TM9SF2: variants seen among roughly 807,000 people sequenced by gnomAD.
The protein encoded by TM9SF2 is transmembrane 9 superfamily member 2.
A neutral mutation model predicts 84.9 loss-of-function variants in TM9SF2; 13 were observed. The ratio of observed to expected loss-of-function variants is 0.15; its 90% CI spans 0.10 to 0.24. The LOEUF is 0.24. TM9SF2 is among the 10% of genes least tolerant of loss of function. The probability of loss-of-function intolerance (pLI) is 1.00; values close to 1 mark genes in which losing one functional copy is unlikely to be tolerated. For missense variants in TM9SF2, 562 were observed against 818.5 expected, an observed-to-expected ratio of 0.69 and a Z score of 3.82; for synonymous variants, 273 against 285.8, an observed-to-expected ratio of 0.96 and a Z score of 0.45.
In TM9SF2 at chr13:99,501,695, C is replaced by T. The variant is rs772063174; in HGVS notation, c.89C>T (p.Pro30Leu). Residue 30 changes from proline to leucine, a missense_variant, in exon 1 of 17, where the codon CCG (proline) becomes CTG (leucine). Coordinates refer to ENST00000376387, the MANE Select transcript of TM9SF2 (RefSeq NM_004800.3). ...CTCCTGCTGGGGGCGGTTCCTGGCC[C>T]GCGCCGGAGCGGCGCTTTCTACCTG... Reference protein sequence around the residue: ...SLLLLGAVPGPRRSGAFYLPG... With the variant: ...SLLLLGAVPGLRRSGAFYLPG... 2 of 1,612,050 alleles carry T rather than the reference C, an allele frequency of 1.2e-6. No homozygotes were observed. The highest frequency in any genetic ancestry group is 1.7e-6 in the Non-Finnish European group (2 of 1,179,650).
intron 13 of TM9SF2, among the ~76,000 whole-genome samples, chr13:99,552,585 A>T (rs1204157560): frequency 6.8e-6 from 1 of 146,304 alleles, no homozygotes; most frequent in Non-Finnish European, 1.5e-5. Flanking sequence ...ATATAAACTA[A>T]TGAAAACATT....
rs539360871 is a variant in TM9SF2, at chr13:99,546,212, TA to T, written c.1151-772del. 5.8e-4 allele frequency among the ~76,000 whole-genome samples: 88 copies of T among 152,120 alleles called. No homozygotes were observed. The South Asian group carries it at 7.5e-3, about 13-fold the overall frequency. Reference sequence around the variant, plus strand: ...GTCATGCACGTTTTAGGGGAAACAATAGGGGGGGAAACAATGGGGATTTTCT... The same window carrying T: ...GTCATGCACGTTTTAGGGGAAACAATGGGGGGGAAACAATGGGGATTTTCT... On this transcript the variant is annotated intron_variant, in intron 10 of 16. Coordinates refer to ENST00000376387, the MANE Select transcript of TM9SF2 (RefSeq NM_004800.3).
chr13:99,518,763 AT>A (rs34847688), intron 2 of TM9SF2, among the ~76,000 whole-genome samples: 20,833 of 128,474 alleles, frequency 0.16, 1,792 homozygotes, highest in East Asian at 0.49. Flanking sequence ...TGCCCAGCTA[AT>A]TTTTTTTTTT....
At chr13:99,550,464 C>T (rs556058714) in intron 12 of TM9SF2, among the ~76,000 whole-genome samples, 1 of 152,302 alleles carries the variant, frequency 6.6e-6, no homozygotes, top group Non-Finnish European at 1.5e-5. Context: ...CTTCTTGAAA[C>T]TCCTTCCTTT....
intron 3 of TM9SF2, among the ~76,000 whole-genome samples, chr13:99,521,550 G>T (rs537175357): frequency 6.6e-6 from 1 of 152,052 alleles, no homozygotes. Context: ...AGCAAATCCC[G>T]AAGCCTAGAT....
intron 7 of TM9SF2, 152 bp from the exon 8 acceptor site, chr13:99,540,562 A>G (rs1417724150): frequency 2.2e-5 from 10 of 457,660 alleles, no homozygotes; most frequent in Non-Finnish European, 3.8e-5. Flanking sequence ...TAAATCTGAA[A>G]CTCTCCAAAT....
chr13:99,520,551 T>C (rs1356667116), intron 3 of TM9SF2, among the ~76,000 whole-genome samples: 1 of 152,100 alleles, frequency 6.6e-6, no homozygotes, highest in Non-Finnish European at 1.5e-5. Context: ...GCTCCCGCAC[T>C]GGGATTTTTG....
In TM9SF2 at chr13:99,501,555, C is replaced by T. The variant is rs998744526; in HGVS notation, c.-52C>T. Reference sequence around the variant, plus strand: ...GTCGTCTCCGAGACTCCCCACCCCTCCTTCCCTCTTGACCCCCTAGGTTTG... The same window carrying T: ...GTCGTCTCCGAGACTCCCCACCCCTTCTTCCCTCTTGACCCCCTAGGTTTG... On this transcript the variant is annotated 5_prime_UTR_variant, in exon 1 of 17. Transcript: ENST00000376387. The T allele has an allele frequency of 1.9e-6, 3 of 1,583,626 alleles. No homozygotes were observed. The African/African-American group carries it at 4.1e-5, about 22-fold the overall frequency.
intron 3 of TM9SF2, among the ~76,000 whole-genome samples, chr13:99,521,447 C>T (rs1391711551): frequency 6.6e-6 from 1 of 152,186 alleles, no homozygotes. Flanking sequence ...ATGTCTTAGA[C>T]CTCATCCATA....
chr13:99,503,520 C>T (rs1439016569), intron 1 of TM9SF2, among the ~76,000 whole-genome samples: 1 of 151,914 alleles, frequency 6.6e-6, no homozygotes, highest in East Asian at 1.9e-4. Flanking sequence ...ACCAGCCTGG[C>T]CAATATGGTG....
chr13:99,536,592 C>T lies in TM9SF2; in HGVS notation c.462-16C>T, dbSNP rs539414190. 24 of 1,606,954 alleles carry T rather than the reference C, an allele frequency of 1.5e-5. No homozygotes were observed. In the South Asian group the frequency reaches 2.6e-4, roughly 17 times the overall value. ...GGTGGGTTCTTTTCTAACTTAACTCCTCTTTCCATGTGTAGGATTGTGGAT... is the reference window on the plus strand; with the variant it reads ...GGTGGGTTCTTTTCTAACTTAACTCTTCTTTCCATGTGTAGGATTGTGGAT... On this transcript the variant is annotated splice_polypyrimidine_tract_variant and intron_variant, in intron 4 of 16. Transcript: ENST00000376387.
chr13:99,540,226 A>G (rs1345192588), intron 7 of TM9SF2, among the ~76,000 whole-genome samples: 5 of 152,124 alleles, frequency 3.3e-5, no homozygotes, highest in South Asian at 4.1e-4. Context: ...AATCCAATAT[A>G]GTTGTGATGT....
intron 1 of TM9SF2, among the ~76,000 whole-genome samples, chr13:99,509,854 A>C (rs1196035216): frequency 6.6e-6 from 1 of 152,052 alleles, no homozygotes; most frequent in Non-Finnish European, 1.5e-5. Flanking sequence ...TCCAGAAAAA[A>C]CTTTTTTTTT....
intron 1 of TM9SF2, among the ~76,000 whole-genome samples, chr13:99,509,718 C>CT (rs1327609642): frequency 6.6e-6 from 1 of 152,194 alleles, no homozygotes; most frequent in Non-Finnish European, 1.5e-5. Context: ...GGAGGGGCTG[C>CT]TGCAAAGGTC....
chr13:99,547,343 T>A (rs2046287060), intron 11 of TM9SF2, among the ~76,000 whole-genome samples: 1 of 152,174 alleles, frequency 6.6e-6, no homozygotes, highest in Admixed American at 6.5e-5. Context: ...CACTATCCCC[T>A]CCCTCTTTTT....
intron 7 of TM9SF2, among the ~76,000 whole-genome samples, chr13:99,539,941 T>G (rs904192518): frequency 6.6e-6 from 1 of 152,250 alleles, no homozygotes. Flanking sequence ...ATTGGTAGAT[T>G]GTCTTAGAAA....
intron 4 of TM9SF2, among the ~76,000 whole-genome samples, chr13:99,533,734 C>T (rs552580676): frequency 7.8e-4 from 119 of 152,338 alleles, no homozygotes; most frequent in African/African-American, 2.8e-3. Context: ...TCTCGACTCA[C>T]TGCAACCTCA....
intron 2 of TM9SF2, among the ~76,000 whole-genome samples, chr13:99,518,117 T>G (rs1321558176): frequency 6.6e-6 from 1 of 152,218 alleles, no homozygotes; most frequent in Non-Finnish European, 1.5e-5. Context: ...TTTATTTTTA[T>G]TTTTATTTTT....
At chr13:99,516,201 C>T (rs892109226) in intron 1 of TM9SF2, among the ~76,000 whole-genome samples, 2 of 152,172 alleles carry the variant, frequency 1.3e-5, no homozygotes, top group African/African-American at 2.4e-5. Context: ...TGTAATCTTG[C>T]CTGCTGTGTT....
Sources: gnomAD v4.1 joint callset for allele counts (sites outside exome capture counted in the v4.1 genomes callset) on GRCh38, gnomAD v4.1.1 for gene constraint, MANE v1.5 for transcripts, NCBI Gene and HGNC (gene_info 2026-07-23, HGNC 2026-07-21) for gene names.